The following SEPTIN10 variants were observed in gnomAD, a reference collection of about 807,000 sequenced individuals.
SEPTIN10 encodes the protein septin 10.
In SEPTIN10, 66 loss-of-function variants were observed where a neutral mutation model predicts 54.8. The ratio of observed to expected loss-of-function variants is 1.21; its 90% CI spans 0.99 to 1.48. SEPTIN10 has a LOEUF of 1.48. Ranked by LOEUF, SEPTIN10 falls within the 40% of genes most tolerant of loss-of-function variation. The pLI, the probability that SEPTIN10 is intolerant of heterozygous loss-of-function variation, is 0.00. For synonymous variants in SEPTIN10, 161 were observed against 181.0 expected (o/e 0.89, Z 0.89); for missense variants, 620 against 545.6 (o/e 1.14, Z -1.36).
At chr2:109,574,276 A>C (rs945148316) in intron 5 of SEPTIN10, among the ~76,000 whole-genome samples, 2 of 144,362 alleles carry the variant, frequency 1.4e-5, no homozygotes, top group African/African-American at 5.0e-5. Flanking sequence ...CCAACTCCAC[A>C]AAAAAAAAAA....
At chr2:109,601,209 T>A (rs1225557175) in intron 1 of SEPTIN10, among the ~76,000 whole-genome samples, 1 of 152,200 alleles carries the variant, frequency 6.6e-6, no homozygotes, top group Non-Finnish European at 1.5e-5. Flanking sequence ...AACCCTCTAA[T>A]CTTGCCTTGT....
chr2:109,546,095 A>G lies in SEPTIN10; in HGVS notation c.1304T>C (p.Phe435Ser). 6.2e-7 allele frequency: 1 copy of G among 1,605,734 alleles called. No homozygotes were observed. Among genetic ancestry groups the G allele is most frequent in the Non-Finnish European group, 8.5e-7 (1 of 1,176,972 alleles). ...ATSEIFHSQS[F>S]LATGSNLRKD... ...CCTCAGGTTGCTGCCTGTTGCCAGA[A>G]AGGACTGGCTGTGAAATATCTCGGA... Residue 435 changes from phenylalanine (F) to serine (S), a missense_variant, in exon 10 of 11, where the codon TTT becomes TCT. Coordinates refer to ENST00000397712, the MANE Select transcript of SEPTIN10 (RefSeq NM_144710.5).
At chr2:109,593,492 G>C (rs933497985) in intron 1 of SEPTIN10, among the ~76,000 whole-genome samples, 2 of 145,860 alleles carry the variant, frequency 1.4e-5, no homozygotes, top group African/African-American at 5.1e-5. Flanking sequence ...TGCAACCTCC[G>C]TCTCCCAGGT....
At chr2:109,591,929 C>G (rs892985768) in intron 2 of SEPTIN10, among the ~76,000 whole-genome samples, 1 of 152,012 alleles carries the variant, frequency 6.6e-6, no homozygotes, top group Non-Finnish European at 1.5e-5. Context: ...AAACAACTTA[C>G]TGAATTACCT....
intron 8 of SEPTIN10, among the ~76,000 whole-genome samples, chr2:109,556,743 T>C (rs75306687): frequency 0.026 from 3,944 of 152,238 alleles, 64 homozygotes; most frequent in South Asian, 0.075. Flanking sequence ...CCAACATGAC[T>C]GATAGTCTTT....
chr2:109,562,322 C>T (rs1287438263), intron 8 of SEPTIN10, among the ~76,000 whole-genome samples: 1 of 152,008 alleles, frequency 6.6e-6, no homozygotes, highest in Non-Finnish European at 1.5e-5. Flanking sequence ...TCTTCTCATG[C>T]CTGGACCACC....
At chr2:109,544,448 A>G (rs988933630) in intron 10 of SEPTIN10, 124 bp from the exon 11 acceptor site, 197 of 1,396,178 alleles carry the variant, frequency 1.4e-4, no homozygotes, top group Non-Finnish European at 1.8e-4. Flanking sequence ...AAAAGAAAAA[A>G]CCAAAAACAC....
Position 109,546,032 on chromosome 2 carries a change from G to A in SEPTIN10, c.1349+18C>T, listed in dbSNP as rs747998393. On this transcript the variant is annotated intron_variant, in intron 10 of 10. Coordinates refer to ENST00000397712, the MANE Select transcript of SEPTIN10 (RefSeq NM_144710.5). ...AAGTGTGGGCAGGGCTGCCAGGGAG[G>A]GTGGCTGGGCCTCTTACTTCTTACG... 5 of 1,548,872 alleles carry A rather than the reference G, an allele frequency of 3.2e-6. No individual in the cohort carries two copies. In the African/African-American group the frequency reaches 4.2e-5, roughly 13 times the overall value.
chr2:109,560,060 A>G (rs1685296169), intron 8 of SEPTIN10, among the ~76,000 whole-genome samples: 1 of 152,020 alleles, frequency 6.6e-6, no homozygotes, highest in Non-Finnish European at 1.5e-5. Flanking sequence ...AGCCGGGACT[A>G]CAGGTGCCCG....
chr2:109,546,365 G>C, intron 9 of SEPTIN10, 128 bp from the exon 10 acceptor site: 1 of 505,836 alleles, frequency 2.0e-6, no homozygotes, highest in South Asian at 6.5e-5. Context: ...AAATCTTTCT[G>C]AAGTCTCAGA....
intron 5 of SEPTIN10, among the ~76,000 whole-genome samples, chr2:109,570,819 G>A (rs1223145507): frequency 6.6e-6 from 1 of 152,160 alleles, no homozygotes; most frequent in Non-Finnish European, 1.5e-5. Context: ...ACCACACCCG[G>A]CCTGTATTAG....
At chr2:109,595,632 G>C (rs61520963) in intron 1 of SEPTIN10, among the ~76,000 whole-genome samples, 1 of 152,146 alleles carries the variant, frequency 6.6e-6, no homozygotes, top group South Asian at 2.1e-4. Flanking sequence ...TATAAATCTA[G>C]ATGAGAAATT....
chr2:109,577,012 A>G (rs1573610386), intron 4 of SEPTIN10, among the ~76,000 whole-genome samples: 1 of 152,314 alleles, frequency 6.6e-6, no homozygotes, highest in African/African-American at 2.4e-5. Flanking sequence ...GTAAATTAGA[A>G]ATAATAAAAA....
At chr2:109,545,963 G>C in intron 10 of SEPTIN10, 87 bp downstream of exon 10, 1 of 1,485,440 alleles carries the variant, frequency 6.7e-7, no homozygotes. Flanking sequence ...GCATAAGGAA[G>C]CAGAAGTAAG....
rs190615111 is a variant in SEPTIN10, at chr2:109,596,356, G to A, written c.31-3237C>T. Among the ~76,000 whole-genome samples, 838 of 152,170 alleles carry A rather than the reference G, an allele frequency of 5.5e-3. 11 individuals carry two copies. The South Asian group carries it at 0.056, about 10-fold the overall frequency. Reference sequence around the variant, plus strand: ...TTAGGCCAGGCATGGTGTGGCTCACGCCTGTAATTCCAGCAGTTTGGGAGG... The same window carrying A: ...TTAGGCCAGGCATGGTGTGGCTCACACCTGTAATTCCAGCAGTTTGGGAGG... On this transcript the variant is annotated intron_variant, in intron 1 of 10. Coordinates refer to ENST00000397712, the MANE Select transcript of SEPTIN10 (RefSeq NM_144710.5).
At chr2:109,586,120 G>A in intron 2 of SEPTIN10, among the ~76,000 whole-genome samples, 1 of 151,964 alleles carries the variant, frequency 6.6e-6, no homozygotes, top group South Asian at 2.1e-4. Context: ...TCCAACTATG[G>A]CATATTCACT....
chr2:109,581,424 G>A (rs1342969212), intron 4 of SEPTIN10, among the ~76,000 whole-genome samples: 11 of 150,690 alleles, frequency 7.3e-5, no homozygotes, highest in Admixed American at 7.3e-4. Flanking sequence ...GCGACAGAGT[G>A]AGACCCTGTC....
At chr2:109,587,961 T>C (rs1692979105) in intron 2 of SEPTIN10, among the ~76,000 whole-genome samples, 1 of 150,300 alleles carries the variant, frequency 6.7e-6, no homozygotes, top group Non-Finnish European at 1.5e-5. Context: ...CCGGGCGTGG[T>C]GGCACCTATA....
chr2:109,552,920 C>A, intron 9 of SEPTIN10, 167 bp downstream of exon 9: 3 of 714,620 alleles, frequency 4.2e-6, no homozygotes, highest in Non-Finnish European at 6.5e-6. Context: ...CATTTAATTT[C>A]AGGCTATGAT....
Sources: allele counts gnomAD v4.1 joint callset (sites outside exome capture counted in the v4.1 genomes callset), GRCh38; gene constraint gnomAD v4.1.1; transcripts MANE v1.5; gene names NCBI Gene and HGNC (gene_info 2026-07-23, HGNC 2026-07-21).